SNX30: variants seen among roughly 807,000 people sequenced by gnomAD.
SNX30 encodes the protein sorting nexin-30.
In SNX30, 24 loss-of-function variants were observed where a neutral mutation model predicts 46.4. That is an observed-to-expected ratio of 0.52 (90% CI 0.37 to 0.73). SNX30 has a LOEUF of 0.73. SNX30 is among the 30% of genes least tolerant of loss of function. The probability of loss-of-function intolerance (pLI) is 0.00; values close to 1 mark genes in which losing one functional copy is unlikely to be tolerated. For synonymous variants in SNX30, 189 were observed against 211.5 expected (o/e 0.89, Z 0.92); for missense variants, 533 against 555.7 (o/e 0.96, Z 0.41).
chr9:112,783,294 T>C (rs1484135719), intron 1 of SNX30, among the ~76,000 whole-genome samples: 1 of 152,220 alleles, frequency 6.6e-6, no homozygotes, highest in Non-Finnish European at 1.5e-5. Flanking sequence ...GAGTGACTTC[T>C]TGTCTTTTAA....
chr9:112,867,866 C>T (rs1043044356), intron 8 of SNX30, among the ~76,000 whole-genome samples: 16 of 152,248 alleles, frequency 1.1e-4, no homozygotes, highest in Non-Finnish European at 2.4e-4. Flanking sequence ...AAGTCCTCCT[C>T]CACCCCTGGG....
At position 112,785,057 on chromosome 9, in the gene SNX30, C is replaced by T. The variant is rs141815896; in HGVS notation, c.157-19719C>T. ...ACCATGTTAATTAGGCTGCTTAAAA[C>T]TCCTGTGTGTTGGAAAACACCTATG... is the stretch of plus-strand genomic sequence containing the variant. On this transcript the variant is annotated intron_variant, in intron 1 of 8. Transcript: ENST00000374232. Among the ~76,000 whole-genome samples the T allele has an allele frequency of 1.1e-3, 163 of 152,310 alleles. 2 individuals carry two copies. In the East Asian group the frequency reaches 0.025, roughly 24 times the overall value.
At chr9:112,864,225 C>A in intron 7 of SNX30, 22 bp from the exon 8 acceptor site, 1 of 1,612,884 alleles carries the variant, frequency 6.2e-7, no homozygotes, top group South Asian at 1.1e-5. Flanking sequence ...GCAGGGCACC[C>A]ATGTGTGCCT....
intron 3 of SNX30, among the ~76,000 whole-genome samples, chr9:112,820,000 G>A (rs1198708927): frequency 6.6e-6 from 1 of 152,196 alleles, no homozygotes; most frequent in African/African-American, 2.4e-5. Context: ...CATGCATCAG[G>A]GAGCTGCCCT....
rs1841402591 is a variant in SNX30 at position 112,868,906 on chromosome 9, T to G, written c.*63T>G. ...GGGCCTGGCACCCTATACCGGAATGTCCCTGCAGTGCCAGAGACGCAGTGC... is the reference window on the plus strand; with the variant it reads ...GGGCCTGGCACCCTATACCGGAATGGCCCTGCAGTGCCAGAGACGCAGTGC... On this transcript the variant is annotated 3_prime_UTR_variant, in exon 9 of 9. Coordinates refer to ENST00000374232, the MANE Select transcript of SNX30 (RefSeq NM_001012994.2). The G allele has an allele frequency of 6.6e-7, 1 of 1,505,804 alleles. No individual in the cohort carries two copies. The highest frequency in any genetic ancestry group is 1.7e-5 in the Admixed American group (1 of 59,860). 93.3% of individuals were successfully genotyped at this position (1,505,804 alleles called of 1,614,324 possible). A position where few individuals can be genotyped will look rare whatever the true frequency, so the allele number is the denominator to read the frequency against.
chr9:112,835,664 A>G (rs746464833), intron 4 of SNX30, among the ~76,000 whole-genome samples: 33 of 152,112 alleles, frequency 2.2e-4, no homozygotes, highest in Admixed American at 3.9e-4. Flanking sequence ...GAAACTCAAC[A>G]TATTTCCAGT....
chr9:112,847,513 C>T (rs554239242), intron 6 of SNX30, among the ~76,000 whole-genome samples: 137 of 151,904 alleles, frequency 9.0e-4, no homozygotes, highest in African/African-American at 3.2e-3. Context: ...TTCAAATTTC[C>T]CCAGTTTGTC....
rs1280378671 is a variant in SNX30, at chr9:112,830,739, G to A, written c.474G>A (p.Lys158=). 1 of 1,610,300 alleles carries A rather than the reference G, an allele frequency of 6.2e-7. No individual in the cohort carries two copies. Among genetic ancestry groups the A allele is most frequent in the African/African-American group, 1.3e-5 (1 of 74,558 alleles). ...PTHLIPPLPE[K]FVVKGVVDRF... is the part of the protein sequence containing the mutation. ...TGTCTTCATAGCCTCTTCCCGAGAA[G>A]TTTGTGGTAAAAGGTGTTGTGGATC... Residue 158 remains lysine, a synonymous_variant, in exon 4 of 9, where the codon AAG becomes AAA. Transcript: ENST00000374232.
chr9:112,867,672 A>T (rs897870996), intron 8 of SNX30, among the ~76,000 whole-genome samples: 7 of 144,028 alleles, frequency 4.9e-5, no homozygotes, highest in Middle Eastern at 3.7e-3. Flanking sequence ...ACCTTCTCAC[A>T]ATTTCTCCCA....
intron 1 of SNX30, among the ~76,000 whole-genome samples, chr9:112,788,482 A>C (rs927215246): frequency 6.6e-6 from 1 of 152,132 alleles, no homozygotes; most frequent in Non-Finnish European, 1.5e-5. Context: ...GAAAAGAACT[A>C]TTGTTTATGA....
At position 112,869,418 on chromosome 9, in the gene SNX30, C is replaced by A. The variant is rs1412998800; in HGVS notation, c.*575C>A. ...TGCTGCCTGCTTGTGATGAGTGATACCGTCTTACTGTTTCTGTTTCACATA... is the reference window on the plus strand; with the variant it reads ...TGCTGCCTGCTTGTGATGAGTGATAACGTCTTACTGTTTCTGTTTCACATA... On this transcript the variant is annotated 3_prime_UTR_variant, in exon 9 of 9. Transcript: ENST00000374232. 1.9e-5 allele frequency: 3 copies of A among 156,600 alleles called. No homozygotes were observed. The highest frequency in any genetic ancestry group is 7.2e-5 in the African/African-American group (3 of 41,476). 9.7% of individuals were successfully genotyped at this position (156,600 alleles called of 1,614,324 possible). A position where few individuals can be genotyped will look rare whatever the true frequency, so the allele number is the denominator to read the frequency against.
chr9:112,777,612 T>TA (rs1564265577), intron 1 of SNX30, among the ~76,000 whole-genome samples: 27 of 132,460 alleles, frequency 2.0e-4, no homozygotes, highest in African/African-American at 7.5e-4. Flanking sequence ...TTTTTTTTTT[T>TA]TTTTTTTTTT....
chr9:112,840,631 ACCCG>A (rs1840839626), intron 6 of SNX30, among the ~76,000 whole-genome samples: 1 of 151,234 alleles, frequency 6.6e-6, no homozygotes, highest in South Asian at 2.1e-4. Flanking sequence ...GATTACAGGC[ACCCG>A]CCACCACACC....
At chr9:112,854,962 A>G (rs113712277) in intron 7 of SNX30, among the ~76,000 whole-genome samples, 21 of 152,332 alleles carry the variant, frequency 1.4e-4, no homozygotes, top group African/African-American at 5.1e-4. Flanking sequence ...TGCAGTAGGA[A>G]TGTGGGCGGA....
chr9:112,807,760 T>C (rs1340282040), intron 2 of SNX30, among the ~76,000 whole-genome samples: 2 of 152,204 alleles, frequency 1.3e-5, no homozygotes, highest in African/African-American at 2.4e-5. Flanking sequence ...CATTAACTGA[T>C]TGAGAGGCTA....
In SNX30 at chr9:112,871,772, A is replaced by G. The variant is rs962280581; in HGVS notation, c.*2929A>G. 5 of 152,118 alleles carry G rather than the reference A, an allele frequency of 3.3e-5. No individual in the cohort carries two copies. Among genetic ancestry groups the G allele is most frequent in the African/African-American group, 1.2e-4 (5 of 41,422 alleles). 9.4% of individuals were successfully genotyped at this position (152,118 alleles called of 1,614,324 possible). On this transcript the variant is annotated 3_prime_UTR_variant, in exon 9 of 9. Coordinates refer to ENST00000374232, the MANE Select transcript of SNX30 (RefSeq NM_001012994.2). ...TTTAGAGACGCAAATGATGTTTAAG[A>G]GAGCCTTGTGATTTGTAGCAAGCAT... is the stretch of plus-strand genomic sequence containing the variant.
chr9:112,855,982 A>G (rs915699493), intron 7 of SNX30, among the ~76,000 whole-genome samples: 1 of 152,148 alleles, frequency 6.6e-6, no homozygotes, highest in Non-Finnish European at 1.5e-5. Context: ...CACCGGGAGC[A>G]TCCGCACCTT....
rs1271766221 is a variant in SNX30 at position 112,850,954 on chromosome 9, A to G, written c.1101+9A>G. The G allele has an allele frequency of 1.9e-6, 3 of 1,612,474 alleles. No individual in the cohort carries two copies. Among genetic ancestry groups the G allele is most frequent in the East Asian group, 4.5e-5 (2 of 44,884 alleles). On this transcript the variant is annotated intron_variant, in intron 7 of 8. Coordinates refer to ENST00000374232, the MANE Select transcript of SNX30 (RefSeq NM_001012994.2). ...AGGAAGACCGCCCCAAGGTCAGGGA[A>G]GCCACCTGGGAAGGGCTGCAAAGCT...
At chr9:112,776,548 C>T (rs1482950701) in intron 1 of SNX30, among the ~76,000 whole-genome samples, 1 of 152,250 alleles carries the variant, frequency 6.6e-6, no homozygotes, top group African/African-American at 2.4e-5. Flanking sequence ...TGGTGATGCA[C>T]ATGCTGTTCC....
Sources: gnomAD v4.1 joint callset for allele counts (sites outside exome capture counted in the v4.1 genomes callset) on GRCh38, gnomAD v4.1.1 for gene constraint, MANE v1.5 for transcripts, NCBI Gene and HGNC (gene_info 2026-07-23, HGNC 2026-07-21) for gene names.